The following KLRG2 variants were observed in gnomAD, a reference collection of about 807,000 sequenced individuals.
KLRG2 encodes the protein killer cell lectin like receptor G2.
KLRG2 carries 39 observed loss-of-function variants against 35.4 expected under a neutral mutation model. The ratio of observed to expected loss-of-function variants is 1.10; its 90% CI spans 0.85 to 1.44. KLRG2 has a LOEUF of 1.44. Among genes scored for constraint, KLRG2 ranks in the 40% most tolerant of loss-of-function variants. The probability of loss-of-function intolerance (pLI) is 0.00; values close to 1 mark genes in which losing one functional copy is unlikely to be tolerated. For missense variants in KLRG2, 632 were observed against 570.9 expected, an observed-to-expected ratio of 1.11 and a Z score of -1.09; for synonymous variants, 283 against 265.8, an observed-to-expected ratio of 1.06 and a Z score of -0.63.
chr7:139,480,059 T>A, intron 2 of KLRG2, 87 bp downstream of exon 2: 2 of 960,172 alleles, frequency 2.1e-6, no homozygotes, highest in Admixed American at 3.7e-5. Flanking sequence ...TGTCTCTTTC[T>A]AATTCTAAGG....
At chr7:139,427,845 A>C in the KLRG2 span, among the ~76,000 whole-genome samples, 58,403 of 152,110 alleles carry the variant, frequency 0.38, 15,633 homozygotes, top group African/African-American at 0.76. Flanking sequence ...TTCCAACATA[A>C]ATTAACTCAC....
intron 3 of KLRG2, 50 bp from the exon 4 acceptor site, chr7:139,454,264 G>T: frequency 2.2e-6 from 2 of 913,322 alleles, no homozygotes; most frequent in Non-Finnish European, 3.5e-6. Flanking sequence ...GGCGTGGCTT[G>T]CCTGGGGCGT....
intron 3 of KLRG2, among the ~76,000 whole-genome samples, chr7:139,455,752 A>G (rs1796467572): frequency 6.6e-6 from 1 of 152,190 alleles, no homozygotes; most frequent in South Asian, 2.1e-4. Context: ...GTGCTATGTG[A>G]CAAGAGCAGC....
the KLRG2 span, among the ~76,000 whole-genome samples, chr7:139,443,005 A>G: frequency 2.0e-5 from 3 of 152,128 alleles, no homozygotes; most frequent in Non-Finnish European, 4.4e-5. Flanking sequence ...TACACAGAAT[A>G]TGATAGACAT....
chr7:139,433,625 C>CTTTT, the KLRG2 span, among the ~76,000 whole-genome samples: 4 of 119,012 alleles, frequency 3.4e-5, no homozygotes, highest in African/African-American at 1.1e-4. Flanking sequence ...TGCGCCCGGC[C>CTTTT]TTTTTTTTTT....
intron 1 of KLRG2, among the ~76,000 whole-genome samples, 190 bp from the exon 2 acceptor site, chr7:139,480,437 TTC>T (rs1172802035): frequency 7.1e-6 from 1 of 141,210 alleles, no homozygotes; most frequent in Non-Finnish European, 1.5e-5. Context: ...AAGCCAGATA[TTC>T]TTTTTTTTTT....
the KLRG2 span, among the ~76,000 whole-genome samples, chr7:139,432,181 T>A: frequency 6.6e-6 from 1 of 151,798 alleles, no homozygotes; most frequent in Non-Finnish European, 1.5e-5. Context: ...CAAAGGGAGA[T>A]CCTGTCTCTA....
At chr7:139,463,082 A>T (rs1442743873) in intron 3 of KLRG2, among the ~76,000 whole-genome samples, 2 of 152,202 alleles carry the variant, frequency 1.3e-5, no homozygotes, top group Non-Finnish European at 2.9e-5. Context: ...TCTTCTTAAA[A>T]GGTGGCTGGA....
the KLRG2 span, among the ~76,000 whole-genome samples, chr7:139,427,329 G>A: frequency 4.6e-3 from 702 of 152,252 alleles, 10 homozygotes; most frequent in African/African-American, 0.016. Context: ...GAGGTTTGGG[G>A]TCTGCAGGCA....
chr7:139,470,174 C>T (rs1490450759), intron 3 of KLRG2, among the ~76,000 whole-genome samples: 5 of 152,064 alleles, frequency 3.3e-5, no homozygotes, highest in African/African-American at 1.2e-4. Context: ...TCTCCTGCCC[C>T]AGCCTCCCAA....
chr7:139,472,629 C>A (rs978200181), intron 3 of KLRG2, among the ~76,000 whole-genome samples: 1 of 151,288 alleles, frequency 6.6e-6, no homozygotes, highest in Non-Finnish European at 1.5e-5. Flanking sequence ...TGAGAAACAT[C>A]AACATTTTGG....
intron 3 of KLRG2, among the ~76,000 whole-genome samples, chr7:139,478,005 G>A (rs1209952900): frequency 1.3e-5 from 2 of 151,360 alleles, no homozygotes; most frequent in South Asian, 4.2e-4. Flanking sequence ...TGATCCACCC[G>A]CCTCGGCCTC....
intron 3 of KLRG2, among the ~76,000 whole-genome samples, chr7:139,454,495 TG>T (rs1329007798): frequency 6.6e-6 from 1 of 151,686 alleles, no homozygotes; most frequent in African/African-American, 2.4e-5. Flanking sequence ...GGGCATTGAG[TG>T]GGCAAAGAAA....
chr7:139,474,383 G>A (rs562317619), intron 3 of KLRG2, among the ~76,000 whole-genome samples: 5 of 152,240 alleles, frequency 3.3e-5, no homozygotes, highest in African/African-American at 1.2e-4. Context: ...GAATTCTGGG[G>A]AAAAGCGATT....
At chr7:139,441,484 T>C in the KLRG2 span, among the ~76,000 whole-genome samples, 1 of 150,436 alleles carries the variant, frequency 6.6e-6, no homozygotes, top group Non-Finnish European at 1.5e-5. Context: ...GGTGGGGGAC[T>C]GGGGGAGGGA....
At chr7:139,437,229 C>G in the KLRG2 span, among the ~76,000 whole-genome samples, 2 of 152,146 alleles carry the variant, frequency 1.3e-5, no homozygotes, top group Admixed American at 6.5e-5. Flanking sequence ...GAGTTCAAGA[C>G]CAGCCTGGCC....
At chr7:139,478,820 A>G (rs1330475134) in intron 3 of KLRG2, among the ~76,000 whole-genome samples, 1 of 152,168 alleles carries the variant, frequency 6.6e-6, no homozygotes, top group Non-Finnish European at 1.5e-5. Context: ...AATATTCTAC[A>G]CAGACCCAAC....
the KLRG2 span, among the ~76,000 whole-genome samples, chr7:139,430,606 ATCC>A: frequency 2.0e-5 from 3 of 152,280 alleles, no homozygotes; most frequent in East Asian, 5.8e-4. Flanking sequence ...TGACCCAGCA[ATCC>A]TCCTACGTAC....
In KLRG2 at chr7:139,480,145, C is replaced by G. The variant is rs750238255; in HGVS notation, c.859+1G>C. ...GGATGGGGACTGCAGGGACACCATA[C>G]CTGCTCTTGAGGCCAGGACCACAAT... On this transcript the variant is annotated splice_donor_variant, in intron 2 of 4. Coordinates refer to ENST00000340940, the MANE Select transcript of KLRG2 (RefSeq NM_198508.4). LOFTEE classifies it high-confidence loss of function. 1.2e-6 allele frequency: 2 copies of G among 1,608,698 alleles called. No individual in the cohort carries two copies. Among genetic ancestry groups the G allele is most frequent in the South Asian group, 1.1e-5 (1 of 90,978 alleles).
Sources: allele counts gnomAD v4.1 joint callset (sites outside exome capture counted in the v4.1 genomes callset), GRCh38; gene constraint gnomAD v4.1.1; transcripts MANE v1.5; gene names NCBI Gene and HGNC (gene_info 2026-07-23, HGNC 2026-07-21).